Variants in HERC2 observed in about 807,000 individuals in gnomAD.
HERC2 encodes HECT and RLD domain containing E3 ubiquitin protein ligase 2, also known as E3 ubiquitin-protein ligase HERC2.
HERC2 carries 102 observed loss-of-function variants against 537.7 expected under a neutral mutation model. That is an observed-to-expected ratio of 0.19 (90% CI 0.16 to 0.22). The LOEUF (loss-of-function observed/expected upper bound fraction) is 0.22. Ranked by LOEUF, HERC2 falls within the 10% of genes least tolerant of loss-of-function variation. The probability of loss-of-function intolerance (pLI) is 1.00; values close to 1 mark genes in which losing one functional copy is unlikely to be tolerated. For missense variants in HERC2, 4,236 were observed against 6,198.2 expected (o/e 0.68, Z 10.63); for synonymous variants, 2,224 against 2,466.2 (o/e 0.90, Z 2.91).
chr15:28,218,075 G>A (rs532791230), intron 38 of HERC2, among the ~76,000 whole-genome samples: 2 of 151,736 alleles, frequency 1.3e-5, no homozygotes, highest in Non-Finnish European at 2.9e-5. Context: ...TTGGAAATAG[G>A]GTCGCTGCAG....
chr15:28,147,585 C>A (rs1891891179), intron 70 of HERC2, among the ~76,000 whole-genome samples: 1 of 151,984 alleles, frequency 6.6e-6, no homozygotes, highest in Non-Finnish European at 1.5e-5. Context: ...TGTAGTGAGC[C>A]ACGATCGTGC....
rs1247363173 is a variant in HERC2 at position 28,177,889 on chromosome 15, T to A, written c.9164-380A>T. Reference sequence around the variant, plus strand: ...AATTTAAGTTTTTGAGAACTGTACCTCAACAGTGAAATTATTCAATCATTT... The same window carrying A: ...AATTTAAGTTTTTGAGAACTGTACCACAACAGTGAAATTATTCAATCATTT... On this transcript the variant is annotated intron_variant, in intron 59 of 92. Coordinates refer to ENST00000261609, the MANE Select transcript of HERC2 (RefSeq NM_004667.6). This position sits in a 1 kb window ranked among gnomAD's most constrained non-coding sequence, Gnocchi z 5.0. Among the ~76,000 whole-genome samples, 3 of 152,222 alleles carry A rather than the reference T, an allele frequency of 2.0e-5. No individual in the cohort carries two copies. Among genetic ancestry groups the A allele is most frequent in the African/African-American group, 4.8e-5 (2 of 41,448 alleles).
At chr15:28,199,480 A>G (rs573662362) in intron 48 of HERC2, among the ~76,000 whole-genome samples, 43 of 152,356 alleles carry the variant, frequency 2.8e-4, no homozygotes, top group African/African-American at 9.4e-4. Flanking sequence ...GAAAACTGAT[A>G]AAGTCTCCCT....
chr15:28,132,662 C>T lies in HERC2; in HGVS notation c.12399G>A (p.Lys4133=), dbSNP rs1484681097. The T allele has an allele frequency of 1.3e-6, 2 of 1,536,094 alleles. No homozygotes were observed. Among genetic ancestry groups the T allele is most frequent in the African/African-American group, 1.4e-5 (1 of 71,504 alleles). ...LGHSDSEDQL[K]PKLVEALQGH... ...CACGGCGCCTCCTCACCAGCTTCGG[C>T]TTCAGCTGGTCCTCACTGTCGCTGT... Residue 4133 remains lysine, a synonymous_variant, in exon 80 of 93, where the codon AAG becomes AAA. Coordinates refer to ENST00000261609, the MANE Select transcript of HERC2 (RefSeq NM_004667.6).
chr15:28,307,652 T>C (rs1422404116), intron 2 of HERC2, among the ~76,000 whole-genome samples: 1 of 152,234 alleles, frequency 6.6e-6, no homozygotes, highest in African/African-American at 2.4e-5. Flanking sequence ...TGGTGGAGTT[T>C]CCAAAATTCC....
chr15:28,191,928 A>C (rs1406906828), intron 53 of HERC2, 33 bp downstream of exon 53: 7 of 1,586,348 alleles, frequency 4.4e-6, no homozygotes, highest in Non-Finnish European at 5.2e-6. Context: ...ATCGGTGTGA[A>C]AGTGCCCGCT....
chr15:28,299,532 G>C lies in HERC2; in HGVS notation c.73-16C>G. On this transcript the variant is annotated splice_polypyrimidine_tract_variant and intron_variant, in intron 2 of 92. Transcript: ENST00000261609. Reference sequence around the variant, plus strand: ...TGAATGCAAGCTGGCAATGATAAACGAGATAAGCTTACAGAGTGCTCACAC... The same window carrying C: ...TGAATGCAAGCTGGCAATGATAAACCAGATAAGCTTACAGAGTGCTCACAC... The C allele has an allele frequency of 3.1e-6, 4 of 1,307,210 alleles. No homozygotes were observed. In the Admixed American group the frequency reaches 7.0e-5, roughly 23 times the overall value. 81.0% of individuals were successfully genotyped at this position (1,307,210 alleles called of 1,614,324 possible).
chr15:28,219,916 C>G (rs1358995725), intron 37 of HERC2, among the ~76,000 whole-genome samples: 1 of 152,202 alleles, frequency 6.6e-6, no homozygotes, highest in Non-Finnish European at 1.5e-5. Flanking sequence ...CTTTCTTGGT[C>G]CACCCCTAAA....
Position 28,269,189 on chromosome 15 carries a change from T to C in HERC2, c.1446+59A>G. ...AAAGAAACACCAGAGCTTGTGCATC[T>C]GTAGGACAGACCCTGCCCCGCAAGG... On this transcript the variant is annotated intron_variant, in intron 11 of 92. Transcript: ENST00000261609. 3.5e-6 allele frequency: 5 copies of C among 1,408,528 alleles called. No homozygotes were observed. The South Asian group carries it at 6.3e-5, about 18-fold the overall frequency. The allele number at this position is 1,408,528 out of a possible 1,614,324, so 87.3% of individuals were successfully genotyped here.
intron 2 of HERC2, among the ~76,000 whole-genome samples, chr15:28,313,302 C>T (rs1317566671): frequency 2.0e-5 from 3 of 151,974 alleles, no homozygotes; most frequent in African/African-American, 4.8e-5. Flanking sequence ...CTCAGCCTCC[C>T]GAGTAGCTGG....
chr15:28,159,652 T>C (rs879728052), intron 69 of HERC2, among the ~76,000 whole-genome samples: 7 of 152,208 alleles, frequency 4.6e-5, no homozygotes, highest in Non-Finnish European at 1.0e-4. Flanking sequence ...TTTCAAGGTT[T>C]TTAACTTCTT....
chr15:28,133,401 T>C (rs1890305154), intron 79 of HERC2, among the ~76,000 whole-genome samples: 1 of 152,192 alleles, frequency 6.6e-6, no homozygotes, highest in Non-Finnish European at 1.5e-5. Context: ...TCCCAGCTTG[T>C]GGTTTCAATC....
chr15:28,260,885 G>A lies in HERC2; in HGVS notation c.2208C>T (p.Asn736=), dbSNP rs756256023. 66 of 1,614,082 alleles carry A rather than the reference G, an allele frequency of 4.1e-5. No individual in the cohort carries two copies. Among genetic ancestry groups the A allele is most frequent in the African/African-American group, 1.7e-4 (13 of 74,928 alleles). Residue 736 remains asparagine, a synonymous_variant, in exon 16 of 93, where the codon AAC becomes AAT. Transcript: ENST00000261609. The stretch of plus-strand genomic sequence containing the variant: ...AGGTGTCAAAGTGCTGGCACTGGTC[G>A]TTGCTCCCCCAGCTGTGGACCTCGC... The part of the protein sequence containing the change: ...EDSEVHSWGS[N]DQCQHFDTLR...
At chr15:28,219,698 T>A (rs768642745) in intron 37 of HERC2, among the ~76,000 whole-genome samples, 1 of 152,166 alleles carries the variant, frequency 6.6e-6, no homozygotes, top group African/African-American at 2.4e-5. Flanking sequence ...GTACACCTTC[T>A]AAGATCTCGT....
chr15:28,179,479 G>C (rs373201950), intron 57 of HERC2, among the ~76,000 whole-genome samples: 10 of 152,270 alleles, frequency 6.6e-5, no homozygotes, highest in East Asian at 1.9e-4. Context: ...GGTGATGCTG[G>C]TGTCAACAAG....
rs985995497 is a variant in HERC2, at chr15:28,269,172, A to G, written c.1446+76T>C. On this transcript the variant is annotated intron_variant, in intron 11 of 92. Transcript: ENST00000261609. ...CAGAAATCAAACGCCTTAAAGAAAC[A>G]CCAGAGCTTGTGCATCTGTAGGACA... 28 of 1,180,114 alleles carry G rather than the reference A, an allele frequency of 2.4e-5. No homozygotes were observed. In the African/African-American group the frequency reaches 3.8e-4, roughly 16 times the overall value. 73.1% of individuals were successfully genotyped at this position (1,180,114 alleles called of 1,614,324 possible).
intron 21 of HERC2, 69 bp from the exon 22 acceptor site, chr15:28,246,966 C>T: frequency 2.3e-6 from 3 of 1,326,956 alleles, no homozygotes; most frequent in Non-Finnish European, 3.2e-6. Flanking sequence ...ACTAACTGCT[C>T]CATGATGCTA....
intron 65 of HERC2, 98 bp from the exon 66 acceptor site, chr15:28,169,753 A>C: frequency 8.9e-7 from 1 of 1,127,016 alleles, no homozygotes; most frequent in South Asian, 1.6e-5. Context: ...AACACACTGC[A>C]ATCTGCATTT....
At chr15:28,232,261 G>A (rs1901946435) in intron 30 of HERC2, among the ~76,000 whole-genome samples, 1 of 152,186 alleles carries the variant, frequency 6.6e-6, no homozygotes, top group Non-Finnish European at 1.5e-5. Flanking sequence ...TATGATCAGA[G>A]GCCAGGCGCG....
Sources: allele counts gnomAD v4.1 joint callset (sites outside exome capture counted in the v4.1 genomes callset), GRCh38; gene constraint gnomAD v4.1.1; non-coding constraint Gnocchi (gnomAD v3.1); transcripts MANE v1.5; gene names NCBI Gene and HGNC (gene_info 2026-07-23, HGNC 2026-07-21).